Variants in NPAS2 observed in about 807,000 individuals in gnomAD.
NPAS2 encodes the protein neuronal PAS domain protein 2.
NPAS2 carries 23 observed loss-of-function variants against 107.5 expected under a neutral mutation model. The ratio of observed to expected loss-of-function variants is 0.21; its 90% CI spans 0.15 to 0.30. The LOEUF is 0.30. NPAS2 is among the 10% of genes least tolerant of loss of function. The pLI, the probability that NPAS2 is intolerant of heterozygous loss-of-function variation, is 1.00. For missense variants in NPAS2, 756 were observed against 1,043.3 expected (o/e 0.72, Z 3.79); for synonymous variants, 403 against 417.5 (o/e 0.97, Z 0.42).
chr2:100,834,722 C>T (rs1053150846), intron 1 of NPAS2, among the ~76,000 whole-genome samples: 2 of 151,786 alleles, frequency 1.3e-5, no homozygotes, highest in African/African-American at 4.8e-5. Context: ...GATGGAGTCT[C>T]ACTCTGTTGC....
intron 1 of NPAS2, among the ~76,000 whole-genome samples, chr2:100,843,237 G>A (rs956947247): frequency 2.0e-5 from 3 of 150,474 alleles, no homozygotes; most frequent in South Asian, 2.1e-4. Flanking sequence ...AAAAATGCTG[G>A]CATCTGTTCC....
chr2:100,897,656 T>TAAAACATCAGAACA (rs1219398941), intron 1 of NPAS2, among the ~76,000 whole-genome samples: 2 of 152,150 alleles, frequency 1.3e-5, no homozygotes, highest in Non-Finnish European at 2.9e-5. Flanking sequence ...CAAGACTCCC[T>TAAAACATCAGAACA]AAAACATCAG....
intron 2 of NPAS2, among the ~76,000 whole-genome samples, chr2:100,912,312 C>G (rs1171423074): frequency 6.6e-6 from 1 of 151,992 alleles, no homozygotes; most frequent in Admixed American, 6.5e-5. Context: ...TAGTGCTGCA[C>G]CCTTTTCAGT....
intron 1 of NPAS2, among the ~76,000 whole-genome samples, chr2:100,839,392 G>A (rs978866761): frequency 6.6e-6 from 1 of 152,170 alleles, no homozygotes; most frequent in South Asian, 2.1e-4. Context: ...GCCTCCCAAA[G>A]TGCTGGGATT....
intron 2 of NPAS2, among the ~76,000 whole-genome samples, chr2:100,922,325 A>G (rs1215289657): frequency 2.0e-5 from 3 of 152,156 alleles, no homozygotes; most frequent in African/African-American, 7.2e-5. Context: ...CATGCCTGTA[A>G]TCCCAGCACA....
In NPAS2 at chr2:100,995,822, C is replaced by G. The variant is rs895742091; in HGVS notation, c.*240C>G. 1.9e-6 allele frequency: 3 copies of G among 1,540,728 alleles called. No homozygotes were observed. In the African/African-American group the frequency reaches 4.1e-5, roughly 21 times the overall value. ...TTCTTGGGCACACTCTATAGCCATA[C>G]TGGACAGGAACCAGGTGCCCCGTGT... On this transcript the variant is annotated 3_prime_UTR_variant, in exon 21 of 21. Transcript: ENST00000335681.
chr2:100,882,041 G>A (rs530457622), intron 1 of NPAS2, among the ~76,000 whole-genome samples: 22 of 152,370 alleles, frequency 1.4e-4, no homozygotes, highest in African/African-American at 5.3e-4. Context: ...GATGCCATGG[G>A]AATCCTCAAT....
chr2:100,944,401 G>C (rs1674763023), intron 5 of NPAS2, among the ~76,000 whole-genome samples: 1 of 152,132 alleles, frequency 6.6e-6, no homozygotes, highest in South Asian at 2.1e-4. Flanking sequence ...GGTGCTGCTG[G>C]TTCAAGGCCC....
At chr2:100,819,187 T>C (rs1213210653), upstream of NPAS2, among the ~76,000 whole-genome samples, 1 of 149,552 alleles carries the variant, frequency 6.7e-6, no homozygotes, top group African/African-American at 2.5e-5. The surrounding 1 kb of genome is among the most constrained non-coding windows in gnomAD (Gnocchi z 5.8). Context: ...TGGAAAAATA[T>C]GTAGGTCAGT....
At chr2:100,910,526 T>C (rs1214707396) in intron 2 of NPAS2, among the ~76,000 whole-genome samples, 1 of 149,266 alleles carries the variant, frequency 6.7e-6, no homozygotes, top group Non-Finnish European at 1.5e-5. Flanking sequence ...ACATCTTCTT[T>C]TTTTTTTTTT....
At chr2:100,890,678 A>G (rs1002399932) in intron 1 of NPAS2, among the ~76,000 whole-genome samples, 40 of 152,236 alleles carry the variant, frequency 2.6e-4, no homozygotes, top group African/African-American at 8.7e-4. Flanking sequence ...ATACAGTGAC[A>G]GTGGAAGGAG....
chr2:100,846,876 A>G (rs1490100636), intron 1 of NPAS2: 1 of 152,210 alleles, frequency 6.6e-6, no homozygotes, highest in African/African-American at 2.4e-5. Context: ...CATCTGCCTG[A>G]GGTCACACAG....
chr2:100,839,626 A>G lies in NPAS2; in HGVS notation c.-23+19212A>G, dbSNP rs186162928. On this transcript the variant is annotated intron_variant, in intron 1 of 20. Transcript: ENST00000335681. ...TTCTGGTCAACAGTAGGTTATTCAT[A>G]GTTAAGTTTTGGGGGAATCAAAGGT... Among the ~76,000 whole-genome samples the G allele has an allele frequency of 2.0e-5, 3 of 152,292 alleles. No individual in the cohort carries two copies. The East Asian group carries it at 5.8e-4, about 29-fold the overall frequency.
Position 100,982,219 on chromosome 2 carries a change from T to A in NPAS2, c.1483-12T>A. ...CTTTCATCTGATTATGTTTTTCGGCTCCACCTTGAAGTTTTCGGCACAGTT... is the reference window on the plus strand; with the variant it reads ...CTTTCATCTGATTATGTTTTTCGGCACCACCTTGAAGTTTTCGGCACAGTT... On this transcript the variant is annotated splice_polypyrimidine_tract_variant and intron_variant, in intron 15 of 20. Transcript: ENST00000335681. 6.2e-7 allele frequency: 1 copy of A among 1,613,832 alleles called. No individual in the cohort carries two copies. Among genetic ancestry groups the A allele is most frequent in the Non-Finnish European group, 8.5e-7 (1 of 1,179,916 alleles).
chr2:100,835,563 T>G (rs1368298437), intron 1 of NPAS2, among the ~76,000 whole-genome samples: 1 of 152,192 alleles, frequency 6.6e-6, no homozygotes, highest in Admixed American at 6.5e-5. Flanking sequence ...ATTATTCTGT[T>G]CCTTGCTGTC....
chr2:100,882,510 G>C (rs184142417), intron 1 of NPAS2, among the ~76,000 whole-genome samples: 97 of 152,344 alleles, frequency 6.4e-4, no homozygotes, highest in Non-Finnish European at 1.2e-3. Context: ...TACTCGGGAG[G>C]CTGAGGCAGG....
At chr2:100,933,356 C>CA (rs1355398194) in intron 4 of NPAS2, among the ~76,000 whole-genome samples, 1 of 152,230 alleles carries the variant, frequency 6.6e-6, no homozygotes, top group Non-Finnish European at 1.5e-5. Flanking sequence ...TCATTTGACT[C>CA]AGAGAGTCTT....
At position 100,842,091 on chromosome 2, in the gene NPAS2, A is replaced by G. The variant is rs868267911; in HGVS notation, c.-23+21677A>G. On this transcript the variant is annotated intron_variant, in intron 1 of 20. Transcript: ENST00000335681. ...AGTGTGCATGTACGCGCACACACAC[A>G]CACACACACACACACACACTTAAGC... 1.6e-3 allele frequency among the ~76,000 whole-genome samples: 240 copies of G among 150,198 alleles called. 1 individual carries two copies. The highest frequency in any genetic ancestry group is 6.8e-3 in the Middle Eastern group (2 of 292).
At position 100,935,144 on chromosome 2, in the gene NPAS2, C is replaced by G. The variant is rs1376547792; in HGVS notation, c.273+2143C>G. On this transcript the variant is annotated intron_variant, in intron 4 of 20. Transcript: ENST00000335681. ...ACCAGCCAAGCTGGTAAAGTATCAG[C>G]TGGCAAAGACTGTGGCTACCAGCAT... 3.1e-6 allele frequency: 3 copies of G among 961,560 alleles called. No individual in the cohort carries two copies. The African/African-American group carries it at 5.3e-5, about 17-fold the overall frequency. The allele number at this position is 961,560 out of a possible 1,614,324, so 59.6% of individuals were successfully genotyped here. A position where few individuals can be genotyped will look rare whatever the true frequency, so the allele number is the denominator to read the frequency against.
Sources: allele counts gnomAD v4.1 joint callset (sites outside exome capture counted in the v4.1 genomes callset), GRCh38; gene constraint gnomAD v4.1.1; non-coding constraint Gnocchi (gnomAD v3.1); transcripts MANE v1.5; gene names NCBI Gene and HGNC (gene_info 2026-07-23, HGNC 2026-07-21).